Variants in ZBTB34 observed in about 807,000 individuals in gnomAD.
ZBTB34 encodes zinc finger and BTB domain containing 34, also known as zinc finger and BTB domain-containing protein 34.
In ZBTB34, 1 loss-of-function variant was observed where a neutral mutation model predicts 33.4. The observed-to-expected ratio is 0.03, with a 90% CI of 0.01 to 0.14. The LOEUF is 0.14. ZBTB34 is among the 10% of genes least tolerant of loss of function. ZBTB34 has a pLI of 1.00. For missense variants in ZBTB34, 406 were observed against 657.2 expected (o/e 0.62, Z 4.18); for synonymous variants, 283 against 253.5 (o/e 1.12, Z -1.11).
Position 126,864,025 on chromosome 9 carries a change from A to C in ZBTB34, c.-11+3286A>C, listed in dbSNP as rs116412642. 3.6e-3 allele frequency among the ~76,000 whole-genome samples: 543 copies of C among 152,302 alleles called. 4 individuals carry two copies. The highest frequency in any genetic ancestry group is 0.012 in the African/African-American group (515 of 41,566). On this transcript the variant is annotated intron_variant, in intron 1 of 1. Coordinates refer to ENST00000319119, the Ensembl canonical transcript of ZBTB34. ...TCATCACAGTGTCAGACCCAGCCTG[A>C]CTTTGTCTGTGTGGTGGAACATCCT... is the stretch of plus-strand genomic sequence containing the variant.
chr9:126,873,141 C>T (rs187576328), intron 1 of ZBTB34, among the ~76,000 whole-genome samples: 1,872 of 152,272 alleles, frequency 0.012, 13 homozygotes, highest in Non-Finnish European at 0.018. Context: ...TCACTATTTA[C>T]GCACCCCGTG....
intron 1 of ZBTB34, among the ~76,000 whole-genome samples, chr9:126,875,616 T>C (rs2033345608): frequency 6.6e-6 from 1 of 152,174 alleles, no homozygotes; most frequent in Non-Finnish European, 1.5e-5. Context: ...GGTTGCACCT[T>C]ATTGTCATTA....
chr9:126,882,528 CAG>C (rs1179737709), exon 2 of ZBTB34: 1 of 167,032 alleles, frequency 6.0e-6, no homozygotes, highest in African/African-American at 2.4e-5. Flanking sequence ...TAAACTCTGG[CAG>C]AGAGTAATTT....
At chr9:126,863,013 C>T (rs2033161352) in intron 1 of ZBTB34, among the ~76,000 whole-genome samples, 1 of 151,628 alleles carries the variant, frequency 6.6e-6, no homozygotes, top group Non-Finnish European at 1.5e-5. Flanking sequence ...TTTCAGCTTG[C>T]TCTCTTAGGG....
chr9:126,876,867 A>T (rs2033370079), intron 1 of ZBTB34, among the ~76,000 whole-genome samples: 1 of 152,236 alleles, frequency 6.6e-6, no homozygotes, highest in African/African-American at 2.4e-5. Flanking sequence ...CTCTTCGACT[A>T]AAATGTTTTA....
intron 1 of ZBTB34, among the ~76,000 whole-genome samples, chr9:126,871,197 G>A (rs2033274297): frequency 2.0e-5 from 3 of 149,846 alleles, no homozygotes; most frequent in African/African-American, 4.8e-5. Flanking sequence ...GTGTGTGTGT[G>A]TGTGTGTGTG....
chr9:126,862,608 C>T (rs1180930608), intron 1 of ZBTB34, among the ~76,000 whole-genome samples: 1 of 152,156 alleles, frequency 6.6e-6, no homozygotes, highest in Non-Finnish European at 1.5e-5. Flanking sequence ...CCTCCTTTTT[C>T]TTTTCTGTGC....
chr9:126,863,619 G>A, intron 1 of ZBTB34: 1 of 842,430 alleles, frequency 1.2e-6, no homozygotes, highest in Non-Finnish European at 1.4e-6. Context: ...TTAGCTTAGT[G>A]AAGGTCATCA....
At chr9:126,867,450 T>TC (rs2033220791) in intron 1 of ZBTB34, among the ~76,000 whole-genome samples, 2 of 149,832 alleles carry the variant, frequency 1.3e-5, no homozygotes, top group Admixed American at 1.3e-4. Flanking sequence ...CATTTTTCTT[T>TC]TTTTTTTTTT....
At chr9:126,875,104 C>T (rs941665830) in intron 1 of ZBTB34, among the ~76,000 whole-genome samples, 3 of 152,130 alleles carry the variant, frequency 2.0e-5, no homozygotes, top group Non-Finnish European at 4.4e-5. Flanking sequence ...GACTGTTGAG[C>T]GCATGGAATG....
intron 1 of ZBTB34, among the ~76,000 whole-genome samples, chr9:126,865,264 C>G (rs2033185642): frequency 6.6e-6 from 1 of 152,176 alleles, no homozygotes; most frequent in South Asian, 2.1e-4. Flanking sequence ...GCTGTAGTGG[C>G]AGTCCATGGA....
chr9:126,866,370 A>G (rs1020064443), intron 1 of ZBTB34, among the ~76,000 whole-genome samples: 1 of 152,094 alleles, frequency 6.6e-6, no homozygotes, highest in African/African-American at 2.4e-5. Context: ...TGAGTATTCA[A>G]GGCCCTCCAC....
intron 1 of ZBTB34, among the ~76,000 whole-genome samples, chr9:126,878,442 C>A (rs1320764189): frequency 2.0e-5 from 3 of 151,704 alleles, no homozygotes; most frequent in Non-Finnish European, 2.9e-5. Context: ...TGCACTCCAG[C>A]CTGTGCAACA....
At chr9:126,870,863 G>A (rs539302792) in intron 1 of ZBTB34, among the ~76,000 whole-genome samples, 1 of 151,854 alleles carries the variant, frequency 6.6e-6, no homozygotes, top group Non-Finnish European at 1.5e-5. Context: ...GGAGGCGGAG[G>A]TTGCCTTGAG....
chr9:126,881,058 C>T (rs2033433847), exon 2 of ZBTB34: 17 of 947,624 alleles, frequency 1.8e-5, no homozygotes, highest in Admixed American at 8.7e-5. Flanking sequence ...TGGAACACTT[C>T]GTTGTGTTTA....
At chr9:126,870,926 C>CAA (rs879511794) in intron 1 of ZBTB34, among the ~76,000 whole-genome samples, 1 of 133,490 alleles carries the variant, frequency 7.5e-6, no homozygotes, top group Non-Finnish European at 1.6e-5. Context: ...GACTCTGTCT[C>CAA]AAAAAAAAAA....
At chr9:126,867,412 A>G (rs529343007) in intron 1 of ZBTB34, among the ~76,000 whole-genome samples, 1 of 144,596 alleles carries the variant, frequency 6.9e-6, no homozygotes, top group South Asian at 2.2e-4. Context: ...TCAGAAGTAA[A>G]TTTTAGCATC....
chr9:126,876,331 G>A (rs1429030719), intron 1 of ZBTB34, among the ~76,000 whole-genome samples: 1 of 143,920 alleles, frequency 6.9e-6, no homozygotes, highest in Non-Finnish European at 1.5e-5. Flanking sequence ...ATTGTATTAA[G>A]AAAGTATTGT....
intron 1 of ZBTB34, among the ~76,000 whole-genome samples, chr9:126,878,775 A>T (rs10760463): frequency 2.0e-5 from 3 of 150,864 alleles, no homozygotes; most frequent in Admixed American, 1.3e-4. Context: ...CTAGGCTGGG[A>T]TGCAGTGGTG....
Sources: gnomAD v4.1 joint callset for allele counts (sites outside exome capture counted in the v4.1 genomes callset) on GRCh38, gnomAD v4.1.1 for gene constraint, MANE v1.5 for transcripts, NCBI Gene and HGNC (gene_info 2026-07-23, HGNC 2026-07-21) for gene names.